The following EEF1AKMT2 variants were observed in gnomAD, a reference collection of about 807,000 sequenced individuals.
EEF1AKMT2 encodes the protein EEF1A lysine methyltransferase 2, also known as eukaryotic translation elongation factor 1 alpha lysine methyltransferase 2.
Under a neutral mutation model 35.8 loss-of-function variants are expected in EEF1AKMT2, and 32 were observed. That is an observed-to-expected ratio of 0.89 (90% CI 0.67 to 1.20). The LOEUF (loss-of-function observed/expected upper bound fraction) is 1.20, where lower values mean the gene tolerates loss of function less well. Ranked by LOEUF, EEF1AKMT2 falls within the 50% of genes most tolerant of loss-of-function variation. The pLI, the probability that EEF1AKMT2 is intolerant of heterozygous loss-of-function variation, is 0.00. For synonymous variants in EEF1AKMT2, 121 were observed against 133.7 expected (o/e 0.91, Z 0.65); for missense variants, 330 against 347.5 (o/e 0.95, Z 0.40).
At chr10:124,771,454 C>G (rs1356510496) in intron 4 of EEF1AKMT2, among the ~76,000 whole-genome samples, 1 of 152,156 alleles carries the variant, frequency 6.6e-6, no homozygotes, top group East Asian at 1.9e-4. Flanking sequence ...GAATCACTAT[C>G]TATGACATCC....
At chr10:124,769,946 CAAAAAAAAAAA>C (rs71484588) in intron 4 of EEF1AKMT2, among the ~76,000 whole-genome samples, 2 of 60,216 alleles carry the variant, frequency 3.3e-5, no homozygotes, top group East Asian at 5.2e-4. Flanking sequence ...AACTCCATCT[CAAAAAAAAAAA>C]AAAAAAAAAA....
intron 3 of EEF1AKMT2, among the ~76,000 whole-genome samples, chr10:124,775,940 CAG>C (rs990252250): frequency 6.7e-6 from 1 of 148,402 alleles, no homozygotes; most frequent in Non-Finnish European, 1.5e-5. Flanking sequence ...TTTTTTGAGA[CAG>C]AGTCTCGCTC....
At chr10:124,770,863 A>G (rs1285412923) in intron 4 of EEF1AKMT2, among the ~76,000 whole-genome samples, 1 of 152,198 alleles carries the variant, frequency 6.6e-6, no homozygotes, top group African/African-American at 2.4e-5. Flanking sequence ...AAGTTTTATC[A>G]AGAGACTGTA....
chr10:124,778,188 G>A (rs1001746740), intron 3 of EEF1AKMT2, among the ~76,000 whole-genome samples: 7 of 148,180 alleles, frequency 4.7e-5, no homozygotes, highest in Non-Finnish European at 7.5e-5. Context: ...TTAACACACA[G>A]TCTATACATA....
chr10:124,788,507 T>C (rs188147505), intron 3 of EEF1AKMT2, among the ~76,000 whole-genome samples: 105 of 151,980 alleles, frequency 6.9e-4, no homozygotes, highest in African/African-American at 2.4e-3. Flanking sequence ...TGTAAAATTA[T>C]CTAGGATGAA....
At chr10:124,769,708 A>T (rs1006566519) in intron 4 of EEF1AKMT2, among the ~76,000 whole-genome samples, 4 of 151,824 alleles carry the variant, frequency 2.6e-5, no homozygotes, top group African/African-American at 9.7e-5. Context: ...GCACTTTGGG[A>T]GGCCAAGGTG....
chr10:124,768,968 C>A (rs1950403929), intron 4 of EEF1AKMT2, among the ~76,000 whole-genome samples: 1 of 151,322 alleles, frequency 6.6e-6, no homozygotes, highest in Non-Finnish European at 1.5e-5. Context: ...GTGGCTCATA[C>A]CTGTAATCCT....
chr10:124,760,654 A>C (rs1950322810), intron 6 of EEF1AKMT2, 151 bp from the exon 7 acceptor site: 1 of 615,812 alleles, frequency 1.6e-6, no homozygotes, highest in Non-Finnish European at 2.8e-6. Flanking sequence ...ATGATTTTTC[A>C]ATTCTACTAT....
At chr10:124,764,022 A>C (rs1196275278) in intron 5 of EEF1AKMT2, among the ~76,000 whole-genome samples, 4 of 152,200 alleles carry the variant, frequency 2.6e-5, no homozygotes, top group Non-Finnish European at 5.9e-5. Flanking sequence ...CAGGTTTTAC[A>C]TTATATAATC....
chr10:124,770,190 G>A (rs962274107), intron 4 of EEF1AKMT2, among the ~76,000 whole-genome samples: 9 of 151,934 alleles, frequency 5.9e-5, no homozygotes, highest in Non-Finnish European at 8.8e-5. Context: ...GGGCCGAGGC[G>A]GGTGGATCAC....
At chr10:124,791,545 G>A (rs1314164968) in intron 1 of EEF1AKMT2, among the ~76,000 whole-genome samples, 179 bp downstream of exon 1, 1 of 152,154 alleles carries the variant, frequency 6.6e-6, no homozygotes, top group African/African-American at 2.4e-5. Flanking sequence ...CGCGTAGGGC[G>A]ACCCCTAGGG....
At chr10:124,776,563 AG>A (rs1950489027) in intron 3 of EEF1AKMT2, among the ~76,000 whole-genome samples, 1 of 152,066 alleles carries the variant, frequency 6.6e-6, no homozygotes, top group South Asian at 2.1e-4. Context: ...GGAGGCAGGC[AG>A]ACCACCTGAG....
At chr10:124,774,217 A>T (rs1220272158) in intron 4 of EEF1AKMT2, among the ~76,000 whole-genome samples, 2 of 151,816 alleles carry the variant, frequency 1.3e-5, no homozygotes, top group African/African-American at 4.8e-5. Context: ...AATACAAAAA[A>T]TTAGCTGGGC....
chr10:124,774,863 T>A, intron 3 of EEF1AKMT2, 81 bp from the exon 4 acceptor site: 1 of 574,664 alleles, frequency 1.7e-6, no homozygotes, highest in Non-Finnish European at 2.7e-6. Context: ...CCTTTAGGAC[T>A]GGTGATGTCT....
At chr10:124,763,631 T>C (rs1203880897) in intron 5 of EEF1AKMT2, among the ~76,000 whole-genome samples, 5 of 152,202 alleles carry the variant, frequency 3.3e-5, no homozygotes, top group African/African-American at 9.6e-5. Context: ...AAATTGAACA[T>C]AGTTTACTTA....
chr10:124,776,178 A>G (rs928567735), intron 3 of EEF1AKMT2, among the ~76,000 whole-genome samples: 2 of 152,100 alleles, frequency 1.3e-5, no homozygotes, highest in Non-Finnish European at 2.9e-5. Context: ...ACCTCGGCCT[A>G]CCGGTTCCTT....
At chr10:124,786,681 A>G (rs911677042) in intron 3 of EEF1AKMT2, among the ~76,000 whole-genome samples, 40 of 146,728 alleles carry the variant, frequency 2.7e-4, no homozygotes, top group African/African-American at 9.4e-4. Flanking sequence ...GGCATGGTGT[A>G]CGCCTGTAAT....
rs564909520 is a variant in EEF1AKMT2 at position 124,760,306 on chromosome 10, C to T, written c.*197G>A. Reference sequence around the variant, plus strand: ...GTATACTCTATTCAACATGTGCATCCTGTGTACTTACTAAGCATTTATTTG... The same window carrying T: ...GTATACTCTATTCAACATGTGCATCTTGTGTACTTACTAAGCATTTATTTG... On this transcript the variant is annotated 3_prime_UTR_variant, in exon 7 of 7. Transcript: ENST00000368836. 60 of 692,724 alleles carry T rather than the reference C, an allele frequency of 8.7e-5. 1 individual carries two copies. In the South Asian group the frequency reaches 1.1e-3, roughly 12 times the overall value. 42.9% of individuals were successfully genotyped at this position (692,724 alleles called of 1,614,324 possible). A position where few individuals can be genotyped will look rare whatever the true frequency, so the allele number is the denominator to read the frequency against.
intron 3 of EEF1AKMT2, among the ~76,000 whole-genome samples, chr10:124,780,347 T>C (rs1950529642): frequency 6.6e-6 from 1 of 152,120 alleles, no homozygotes; most frequent in Non-Finnish European, 1.5e-5. Flanking sequence ...GAGATGTAAT[T>C]AGAAAATTCA....
Sources: allele counts gnomAD v4.1 joint callset (sites outside exome capture counted in the v4.1 genomes callset), GRCh38; gene constraint gnomAD v4.1.1; transcripts MANE v1.5; gene names NCBI Gene and HGNC (gene_info 2026-07-23, HGNC 2026-07-21).